The following B4GALNT3 variants were observed in gnomAD, a reference collection of about 807,000 sequenced individuals.
B4GALNT3 encodes the protein beta-1,4-N-acetyl-galactosaminyltransferase 3.
B4GALNT3 carries 86 observed loss-of-function variants against 120.2 expected under a neutral mutation model. The ratio of observed to expected loss-of-function variants is 0.72; its 90% CI spans 0.60 to 0.86. The LOEUF (loss-of-function observed/expected upper bound fraction) is 0.86. Ranked by LOEUF, B4GALNT3 falls within the 40% of genes least tolerant of loss-of-function variation. The pLI, the probability that B4GALNT3 is intolerant of heterozygous loss-of-function variation, is 0.00. For synonymous variants in B4GALNT3, 518 were observed against 510.4 expected (o/e 1.01, Z -0.20); for missense variants, 1,167 against 1,298.9 (o/e 0.90, Z 1.56).
At chr12:510,765 G>C (rs1289554976) in intron 1 of B4GALNT3, among the ~76,000 whole-genome samples, 1 of 152,040 alleles carries the variant, frequency 6.6e-6, no homozygotes, top group Non-Finnish European at 1.5e-5. Flanking sequence ...GAGAGCCCCA[G>C]ATGTTGAAGT....
intron 9 of B4GALNT3, 87 bp from the exon 10 acceptor site, chr12:549,682 C>A (rs1947053498): frequency 2.6e-6 from 4 of 1,537,084 alleles, no homozygotes; most frequent in Non-Finnish European, 3.6e-6. Context: ...GGAGCCCCTT[C>A]TGCGTCTCTT....
At chr12:529,034 GTGGTGTACATGGAACCAGCCCTC>G (rs1333926218) in intron 1 of B4GALNT3, among the ~76,000 whole-genome samples, 1 of 152,064 alleles carries the variant, frequency 6.6e-6, no homozygotes, top group Non-Finnish European at 1.5e-5. Flanking sequence ...TTTGCATGTG[GTGGTGTACATGGAACCAGCCCTC>G]CCAGGCCTCT....
At chr12:501,608 G>C (rs1264955303) in intron 1 of B4GALNT3, among the ~76,000 whole-genome samples, 2 of 152,092 alleles carry the variant, frequency 1.3e-5, no homozygotes, top group African/African-American at 4.8e-5. Context: ...AAAGAAATAG[G>C]GGTCAGAGAA....
intron 1 of B4GALNT3, among the ~76,000 whole-genome samples, chr12:523,041 GAGAA>G (rs998244362): frequency 4.6e-5 from 7 of 150,660 alleles, no homozygotes; most frequent in Non-Finnish European, 1.0e-4. Context: ...TTAAAAAAGA[GAGAA>G]AGCATTCCCT....
Position 552,112 on chromosome 12 carries a change from T to C in B4GALNT3, c.1157T>C (p.Met386Thr). Residue 386 changes from methionine (M) to threonine (T), a missense_variant, in exon 12 of 20, where the codon ATG becomes ACG. Physicochemically the swap from Met to Thr is moderately conservative, Grantham distance 81. Transcript: ENST00000266383. ...AATGACTATACCCGCCTGAGCCACA[T>C]GGAGACCCACAATAAATGTTTCTAC... ...YPNDYTRLSH[M>T]ETHNKCFYQE... The C allele has an allele frequency of 6.2e-7, 1 of 1,613,410 alleles. No homozygotes were observed. Among genetic ancestry groups the C allele is most frequent in the Non-Finnish European group, 8.5e-7 (1 of 1,179,420 alleles).
At chr12:485,454 C>T (rs2120487054) in intron 1 of B4GALNT3, among the ~76,000 whole-genome samples, 1 of 152,350 alleles carries the variant, frequency 6.6e-6, no homozygotes, top group Non-Finnish European at 1.5e-5. Flanking sequence ...AACCAGCAAA[C>T]TGGGACCCCC....
At chr12:543,533 C>T (rs55992349) in intron 3 of B4GALNT3, among the ~76,000 whole-genome samples, 17 of 87,786 alleles carry the variant, frequency 1.9e-4, no homozygotes, top group East Asian at 4.3e-4. Context: ...GGAGCTGGGA[C>T]GGGCATGGGG....
intron 1 of B4GALNT3, among the ~76,000 whole-genome samples, chr12:494,624 T>G (rs1946371865): frequency 6.6e-6 from 1 of 152,128 alleles, no homozygotes. Flanking sequence ...CCTGAGCATA[T>G]GGTTTTCCCC....
intron 1 of B4GALNT3, among the ~76,000 whole-genome samples, chr12:508,963 G>A (rs77371402): frequency 0.085 from 12,924 of 152,262 alleles, 577 homozygotes; most frequent in Middle Eastern, 0.13. Flanking sequence ...CTGGACAGAG[G>A]CGCATACCTT....
rs1394276634 is a variant in B4GALNT3, at chr12:496,701, C to G, written c.169+36156C>G. On this transcript the variant is annotated intron_variant, in intron 1 of 19. Coordinates refer to ENST00000266383, the MANE Select transcript of B4GALNT3 (RefSeq NM_173593.4). ...CTAGTTCCCAAATATTTCCGTCACC[C>G]CTAAAGGAGACTCTGCCCATGCGCG... is the stretch of plus-strand genomic sequence containing the variant. Among the ~76,000 whole-genome samples, 3 of 152,260 alleles carry G rather than the reference C, an allele frequency of 2.0e-5. No homozygotes were observed. In the East Asian group the frequency reaches 5.8e-4, roughly 29 times the overall value.
intron 1 of B4GALNT3, among the ~76,000 whole-genome samples, chr12:527,089 T>C (rs773540118): frequency 5.3e-5 from 8 of 152,080 alleles, no homozygotes; most frequent in Non-Finnish European, 1.2e-4. Flanking sequence ...TTTTTTGTTT[T>C]GTTTTGTTTT....
chr12:554,789 C>CAAA lies in B4GALNT3; in HGVS notation c.2060+832_2060+834dup, dbSNP rs57194028. Among the ~76,000 whole-genome samples, 9 of 33,010 alleles carry CAAA rather than the reference C, an allele frequency of 2.7e-4. 1 individual carries two copies. Among genetic ancestry groups the CAAA allele is most frequent in the Non-Finnish European group, 4.3e-4 (7 of 16,408 alleles). The allele number at this position is 33,010 out of a possible 152,430, so 21.7% of individuals were successfully genotyped here. On this transcript the variant is annotated intron_variant, in intron 14 of 19. Transcript: ENST00000266383. ...TGGGCGACAGAGCAAGACTCCGTCTCAAAAAAAAAAAAAAAAAAAAAAAAA... is the reference window on the plus strand; with the variant it reads ...TGGGCGACAGAGCAAGACTCCGTCTCAAAAAAAAAAAAAAAAAAAAAAAAAAAA...
At chr12:552,729 AT>A in intron 13 of B4GALNT3, 1 of 600,830 alleles carries the variant, frequency 1.7e-6, no homozygotes. Flanking sequence ...AAATGACACT[AT>A]TTTTAGCAGC....
intron 3 of B4GALNT3, among the ~76,000 whole-genome samples, chr12:539,546 AAAAAAG>A (rs975221554): frequency 3.9e-5 from 6 of 151,974 alleles, no homozygotes; most frequent in African/African-American, 7.3e-5. Flanking sequence ...AAAAAAAAAA[AAAAAAG>A]AAAGAAACAG....
At chr12:508,577 C>T (rs1387009888) in intron 1 of B4GALNT3, among the ~76,000 whole-genome samples, 2 of 152,206 alleles carry the variant, frequency 1.3e-5, no homozygotes, top group East Asian at 3.8e-4. Context: ...CTGCAGATGT[C>T]CCCCAGAATT....
chr12:465,897 G>C (rs941219605), intron 1 of B4GALNT3, among the ~76,000 whole-genome samples: 2 of 149,128 alleles, frequency 1.3e-5, no homozygotes, highest in East Asian at 3.9e-4. Flanking sequence ...TGTCCTGGGG[G>C]TTGAGGTCCC....
rs1433691027 is a variant in B4GALNT3 at position 499,532 on chromosome 12, G to A, written c.170-35634G>A. Among the ~76,000 whole-genome samples the A allele has an allele frequency of 1.6e-5, 2 of 124,880 alleles. 1 individual carries two copies. The highest frequency in any genetic ancestry group is 1.6e-4 in the Admixed American group (2 of 12,760). 81.9% of individuals were successfully genotyped at this position (124,880 alleles called of 152,430 possible). ...CACTATCTACTAGCCCGTGGAGCCC[G>A]TGCTCTCACTATCTAGAACACTCCT... On this transcript the variant is annotated intron_variant, in intron 1 of 19. Coordinates refer to ENST00000266383, the MANE Select transcript of B4GALNT3 (RefSeq NM_173593.4).
chr12:517,002 G>A (rs1191917731), intron 1 of B4GALNT3, among the ~76,000 whole-genome samples: 2 of 152,184 alleles, frequency 1.3e-5, no homozygotes, highest in Non-Finnish European at 2.9e-5. Context: ...TGACCTGGGT[G>A]GTTGGAAGGC....
intron 1 of B4GALNT3, among the ~76,000 whole-genome samples, chr12:529,435 C>T (rs367853121): frequency 6.6e-6 from 1 of 152,174 alleles, no homozygotes; most frequent in Non-Finnish European, 1.5e-5. Flanking sequence ...AGGCGGGCAA[C>T]GTTCGTTTCC....
Sources: gnomAD v4.1 joint callset for allele counts (sites outside exome capture counted in the v4.1 genomes callset) on GRCh38, gnomAD v4.1.1 for gene constraint, MANE v1.5 for transcripts, NCBI Gene and HGNC (gene_info 2026-07-23, HGNC 2026-07-21) for gene names.